Variants in PDE1C observed in about 807,000 individuals in gnomAD.
The protein encoded by PDE1C is dual specificity calcium/calmodulin-dependent 3',5'-cyclic nucleotide phosphodiesterase 1C.
A neutral mutation model predicts 93.1 loss-of-function variants in PDE1C; 62 were observed. The observed-to-expected ratio is 0.67, with a 90% CI of 0.54 to 0.82. The LOEUF is 0.82. PDE1C is among the 40% of genes least tolerant of loss of function. The pLI is 0.00. For missense variants in PDE1C, 742 were observed against 884.6 expected (o/e 0.84, Z 2.04); for synonymous variants, 325 against 310.1 (o/e 1.05, Z -0.50).
At chr7:32,397,166 A>G (rs2128094438) in intron 1 of PDE1C, among the ~76,000 whole-genome samples, 1 of 152,336 alleles carries the variant, frequency 6.6e-6, no homozygotes, top group Middle Eastern at 3.4e-3. Context: ...GACAAAAAAT[A>G]TCATAACCAA....
At chr7:32,114,219 C>T (rs1798853562) in intron 3 of PDE1C, among the ~76,000 whole-genome samples, 1 of 152,154 alleles carries the variant, frequency 6.6e-6, no homozygotes, top group Non-Finnish European at 1.5e-5. Flanking sequence ...TGACTTCAAA[C>T]TATACTACAA....
chr7:32,193,777 CAA>C (rs1804396350), intron 2 of PDE1C, among the ~76,000 whole-genome samples: 1 of 152,020 alleles, frequency 6.6e-6, no homozygotes, highest in African/African-American at 2.4e-5. Context: ...CATGTGGACT[CAA>C]GAGATTGCGG....
chr7:32,130,373 A>C (rs1000454357), intron 3 of PDE1C, among the ~76,000 whole-genome samples: 91 of 152,184 alleles, frequency 6.0e-4, no homozygotes, highest in African/African-American at 2.0e-3. Context: ...CATGAATGTT[A>C]ATTAGGGACT....
chr7:31,718,517 C>T, the PDE1C span, among the ~76,000 whole-genome samples: 20 of 152,286 alleles, frequency 1.3e-4, no homozygotes, highest in African/African-American at 4.3e-4. Flanking sequence ...CTGGAGTTTG[C>T]GGGTAATGGC....
At chr7:31,921,255 G>A (rs1802588218) in intron 2 of PDE1C, among the ~76,000 whole-genome samples, 1 of 152,204 alleles carries the variant, frequency 6.6e-6, no homozygotes, top group African/African-American at 2.4e-5. Context: ...ATTCAAAACT[G>A]AGTTAAGAGG....
chr7:32,192,324 C>T (rs147581245), intron 2 of PDE1C, among the ~76,000 whole-genome samples: 17 of 152,216 alleles, frequency 1.1e-4, no homozygotes, highest in African/African-American at 4.1e-4. Flanking sequence ...ATAAGCTTCA[C>T]AGTTTTATAT....
At chr7:32,222,227 A>G (rs1277012560) in intron 1 of PDE1C, among the ~76,000 whole-genome samples, 1 of 152,176 alleles carries the variant, frequency 6.6e-6, no homozygotes, top group East Asian at 1.9e-4. Flanking sequence ...AGCATAAATC[A>G]TCGCATCGTT....
intron 3 of PDE1C, among the ~76,000 whole-genome samples, chr7:32,105,175 AC>A (rs1651908914): frequency 6.6e-6 from 1 of 152,228 alleles, no homozygotes; most frequent in African/African-American, 2.4e-5. Context: ...GGAAGAAACC[AC>A]ACTTACCCCC....
chr7:32,349,862 T>C (rs11760809), intron 1 of PDE1C, among the ~76,000 whole-genome samples: 25,873 of 152,110 alleles, frequency 0.17, 3,496 homozygotes, highest in African/African-American at 0.37. Context: ...ACTCCTGACC[T>C]CGTGATTCAC....
intron 1 of PDE1C, among the ~76,000 whole-genome samples, chr7:32,214,824 T>C (rs920178568): frequency 2.0e-4 from 31 of 152,278 alleles, no homozygotes; most frequent in African/African-American, 7.5e-4. Flanking sequence ...CATATGTGGA[T>C]TGAGCACCAC....
chr7:32,101,715 C>G (rs1798046396), intron 3 of PDE1C, among the ~76,000 whole-genome samples: 1 of 152,186 alleles, frequency 6.6e-6, no homozygotes, highest in Non-Finnish European at 1.5e-5. Flanking sequence ...AAAAATAAAC[C>G]TCTTTTCTTT....
the PDE1C span, chr7:31,643,360 A>G: frequency 4.3e-6 from 7 of 1,613,878 alleles, no homozygotes; most frequent in Non-Finnish European, 5.9e-6. Context: ...TGAAAAGCTC[A>G]TTCCCCACCT....
chr7:32,190,186 T>C (rs997055451), intron 2 of PDE1C, among the ~76,000 whole-genome samples: 1 of 152,242 alleles, frequency 6.6e-6, no homozygotes, highest in Non-Finnish European at 1.5e-5. Flanking sequence ...GAATCGCAGC[T>C]GCAAATGTAA....
chr7:32,007,260 T>TA (rs1387722852), intron 2 of PDE1C, among the ~76,000 whole-genome samples: 1 of 152,200 alleles, frequency 6.6e-6, no homozygotes, highest in Non-Finnish European at 1.5e-5. Flanking sequence ...CCATGTGTCC[T>TA]AAAAAATAAG....
intron 3 of PDE1C, among the ~76,000 whole-genome samples, chr7:32,091,036 T>C (rs1367013116): frequency 6.6e-6 from 1 of 152,262 alleles, no homozygotes; most frequent in Non-Finnish European, 1.5e-5. Context: ...ATGTTATATG[T>C]GTTCTTGCAT....
At chr7:31,742,961 C>G in the PDE1C span, among the ~76,000 whole-genome samples, 1 of 152,204 alleles carries the variant, frequency 6.6e-6, no homozygotes, top group African/African-American at 2.4e-5. Context: ...CTTCAACTCT[C>G]TATCCAAATT....
the PDE1C span, chr7:31,642,881 A>G: frequency 3.0e-4 from 489 of 1,613,894 alleles, 1 homozygote; most frequent in Admixed American, 9.0e-4. Flanking sequence ...GTGATGGAGG[A>G]AGAGTTTCTG....
intron 2 of PDE1C, among the ~76,000 whole-genome samples, chr7:32,040,910 C>T (rs1241381052): frequency 6.6e-6 from 1 of 152,152 alleles, no homozygotes; most frequent in Non-Finnish European, 1.5e-5. Flanking sequence ...CTTGTTAAGG[C>T]TGATTCCATG....
At chr7:31,732,619 C>CTCTA in the PDE1C span, among the ~76,000 whole-genome samples, 1 of 143,656 alleles carries the variant, frequency 7.0e-6, no homozygotes, top group Non-Finnish European at 1.5e-5. Context: ...CTTTCTCTCT[C>CTCTA]TCTCTCTCTC....
Sources: allele counts gnomAD v4.1 joint callset (sites outside exome capture counted in the v4.1 genomes callset), GRCh38; gene constraint gnomAD v4.1.1; transcripts MANE v1.5; gene names NCBI Gene and HGNC (gene_info 2026-07-23, HGNC 2026-07-21).